ARHGEF10L: variants seen among roughly 807,000 people sequenced by gnomAD.
ARHGEF10L encodes the protein rho guanine nucleotide exchange factor 10-like protein.
In ARHGEF10L, 69 loss-of-function variants were observed where a neutral mutation model predicts 141.2. The observed-to-expected ratio is 0.49, with a 90% confidence interval of 0.40 to 0.60. The LOEUF (loss-of-function observed/expected upper bound fraction) is 0.60, where lower values mean the gene tolerates loss of function less well. ARHGEF10L is among the 20% of genes least tolerant of loss of function. The pLI is 0.00. For missense variants in ARHGEF10L, 1,482 were observed against 1,734.3 expected (o/e 0.85, Z 2.58); for synonymous variants, 711 against 718.5 (o/e 0.99, Z 0.17).
rs2060318036 is a variant in ARHGEF10L, at chr1:17,625,229, A to G, written c.1317+726A>G. Among the ~76,000 whole-genome samples, 1 of 152,204 alleles carries G rather than the reference A, an allele frequency of 6.6e-6. No individual in the cohort carries two copies. The highest frequency in any genetic ancestry group is 2.4e-5 in the African/African-American group (1 of 41,458). The stretch of plus-strand genomic sequence containing the variant: ...GCCAAATAAAGACAGAGGAGAGCCT[A>G]TATCAGGTGTAAGGATAGTGGAGCA... On this transcript the variant is annotated intron_variant, in intron 13 of 28. Transcript: ENST00000361221. The surrounding 1 kb of genome is among the most constrained non-coding windows in gnomAD (Gnocchi z 4.5).
At chr1:17,521,608 G>A in the ARHGEF10L span, among the ~76,000 whole-genome samples, 16 of 152,206 alleles carry the variant, frequency 1.1e-4, no homozygotes, top group African/African-American at 3.9e-4. Context: ...TTTCATTCCC[G>A]ACACCCCAAT....
intron 26 of ARHGEF10L, among the ~76,000 whole-genome samples, chr1:17,678,959 A>C (rs2063901184): frequency 6.6e-6 from 1 of 152,182 alleles, no homozygotes; most frequent in African/African-American, 2.4e-5. Flanking sequence ...AAAATAGTTA[A>C]CGATCTTTCT....
Position 17,654,793 on chromosome 1 carries a change from G to T in ARHGEF10L, c.2481+71G>T. The T allele has an allele frequency of 7.0e-7, 1 of 1,426,520 alleles. No homozygotes were observed. The allele number at this position is 1,426,520 out of a possible 1,614,324, so 88.4% of individuals were successfully genotyped here. A position where few individuals can be genotyped will look rare whatever the true frequency, so the allele number is the denominator to read the frequency against. Reference sequence around the variant, plus strand: ...GAGTAGGGAGAGCGGCACCTGGGAGGGGGTGCTGGAGACAGCAGCTGCCTG... The same window carrying T: ...GAGTAGGGAGAGCGGCACCTGGGAGTGGGTGCTGGAGACAGCAGCTGCCTG... On this transcript the variant is annotated intron_variant, in intron 23 of 28. Transcript: ENST00000361221. The surrounding 1 kb of genome is among the most constrained non-coding windows in gnomAD (Gnocchi z 4.3).
intron 1 of ARHGEF10L, among the ~76,000 whole-genome samples, chr1:17,577,564 G>A (rs1266381801): frequency 6.6e-6 from 1 of 152,236 alleles, no homozygotes; most frequent in Admixed American, 6.5e-5. Context: ...CTAACAGCCT[G>A]TGTGTGCAAA....
At position 17,631,663 on chromosome 1, in the gene ARHGEF10L, T is replaced by C. The variant is rs189907862; in HGVS notation, c.1585-658T>C. Among the ~76,000 whole-genome samples, 217 of 152,274 alleles carry C rather than the reference T, an allele frequency of 1.4e-3. 1 individual carries two copies. The highest frequency in any genetic ancestry group is 5.0e-3 in the African/African-American group (209 of 41,516). On this transcript the variant is annotated intron_variant, in intron 15 of 28. Coordinates refer to ENST00000361221, the MANE Select transcript of ARHGEF10L (RefSeq NM_018125.4). ...GTGACCCGTGTCATCACACGTGACC[T>C]GTGCCATCACACATGACCTGTGCCA...
At chr1:17,671,770 C>T (rs987176379) in intron 26 of ARHGEF10L, among the ~76,000 whole-genome samples, 14 of 152,158 alleles carry the variant, frequency 9.2e-5, no homozygotes, top group Non-Finnish European at 1.9e-4. Context: ...ATCCTGGGGC[C>T]GGTTATGGGA....
At chr1:17,580,764 C>T (rs1208355295) in intron 2 of ARHGEF10L, 132 bp downstream of exon 2, 3 of 1,045,232 alleles carry the variant, frequency 2.9e-6, no homozygotes, top group Non-Finnish European at 2.9e-6. Context: ...CTGGCCCTGC[C>T]TGGGCCGCAT....
chr1:17,598,049 T>C (rs1054066072), intron 4 of ARHGEF10L, among the ~76,000 whole-genome samples: 2 of 152,186 alleles, frequency 1.3e-5, no homozygotes, highest in Non-Finnish European at 2.9e-5. Flanking sequence ...CTGAGTTCAT[T>C]TGGGCTGCTG....
chr1:17,535,345 T>G (rs2076559830), upstream of ARHGEF10L, among the ~76,000 whole-genome samples: 1 of 152,192 alleles, frequency 6.6e-6, no homozygotes, highest in African/African-American at 2.4e-5. Context: ...AGATGAAGCT[T>G]GCTTACCTGC....
rs745383584 is a variant in ARHGEF10L, at chr1:17,613,214, G to A, written c.726+40G>A. 3.3e-6 allele frequency: 5 copies of A among 1,523,266 alleles called. No homozygotes were observed. In the African/African-American group the frequency reaches 4.1e-5, roughly 12 times the overall value. 94.4% of individuals were successfully genotyped at this position (1,523,266 alleles called of 1,614,324 possible). ...TCCCCTCAAGCCCTGGATGGGGGCT[G>A]TTTCCAGCTGCAGCTACCTCCAAGG... On this transcript the variant is annotated intron_variant, in intron 8 of 28. Coordinates refer to ENST00000361221, the MANE Select transcript of ARHGEF10L (RefSeq NM_018125.4).
In ARHGEF10L at chr1:17,655,788, G is replaced by C. The variant is rs2062202798; in HGVS notation, c.2482-91G>C. 2.5e-6 allele frequency: 3 copies of C among 1,183,908 alleles called. No homozygotes were observed. The African/African-American group carries it at 4.5e-5, about 18-fold the overall frequency. The allele number at this position is 1,183,908 out of a possible 1,614,324, so 73.3% of individuals were successfully genotyped here. ...AGGAGAAGGGATGCTTCTCTCAGGG[G>C]ATGGGGTCCTTGGGAAAGCAGGGGC... is the stretch of plus-strand genomic sequence containing the variant. On this transcript the variant is annotated intron_variant, in intron 23 of 28. Transcript: ENST00000361221.
chr1:17,557,864 G>T (rs1268131056), intron 1 of ARHGEF10L, among the ~76,000 whole-genome samples: 1 of 152,226 alleles, frequency 6.6e-6, no homozygotes, highest in Non-Finnish European at 1.5e-5. Context: ...CAAGGAAATG[G>T]TTGGGTCAGA....
upstream of ARHGEF10L, among the ~76,000 whole-genome samples, chr1:17,539,629 C>G (rs1028491066): frequency 2.7e-5 from 4 of 150,716 alleles, no homozygotes; most frequent in African/African-American, 2.4e-5. The surrounding 1 kb of genome is among the most constrained non-coding windows in gnomAD (Gnocchi z 6.0). Flanking sequence ...GGCCGCTGCC[C>G]CGGCCACCAG....
intron 27 of ARHGEF10L, among the ~76,000 whole-genome samples, chr1:17,693,435 G>A (rs1406980056): frequency 2.6e-5 from 4 of 152,170 alleles, no homozygotes; most frequent in Non-Finnish European, 5.9e-5. Context: ...GGTGTACCCC[G>A]AGTCGGTAAC....
upstream of ARHGEF10L, among the ~76,000 whole-genome samples, chr1:17,537,850 T>G (rs1270962363): frequency 5.9e-5 from 5 of 84,908 alleles, no homozygotes; most frequent in Admixed American, 7.2e-4. Context: ...GACCACCATC[T>G]CTACAAAAAA....
chr1:17,633,617 GC>G (rs1025503904), intron 16 of ARHGEF10L, among the ~76,000 whole-genome samples: 18 of 152,152 alleles, frequency 1.2e-4, no homozygotes, highest in Admixed American at 1.1e-3. Flanking sequence ...CTCCCAAAGT[GC>G]TGGGATTACA....
At chr1:17,694,882 G>A (rs1043233388) in intron 27 of ARHGEF10L, 1 of 623,264 alleles carries the variant, frequency 1.6e-6, no homozygotes, top group African/African-American at 1.8e-5. Context: ...ACCAGGCGCT[G>A]TGCCTGTGGT....
intron 26 of ARHGEF10L, among the ~76,000 whole-genome samples, chr1:17,680,648 C>T (rs1185120905): frequency 2.0e-5 from 3 of 152,110 alleles, no homozygotes; most frequent in African/African-American, 7.2e-5. Flanking sequence ...CTCTTTTTGT[C>T]CCCGTGTACA....
chr1:17,609,728 A>G (rs2059443411), intron 7 of ARHGEF10L, among the ~76,000 whole-genome samples: 1 of 152,134 alleles, frequency 6.6e-6, no homozygotes, highest in Non-Finnish European at 1.5e-5. Flanking sequence ...GACGCCTCTG[A>G]GAGCGGTGAG....
Sources: gnomAD v4.1 joint callset for allele counts (sites outside exome capture counted in the v4.1 genomes callset) on GRCh38, gnomAD v4.1.1 for gene constraint, Gnocchi (gnomAD v3.1) non-coding constraint, MANE v1.5 for transcripts, NCBI Gene and HGNC (gene_info 2026-07-23, HGNC 2026-07-21) for gene names.